Variants in GRIP2 observed in about 807,000 individuals in gnomAD.
The protein encoded by GRIP2 is glutamate receptor-interacting protein 2.
GRIP2 carries 58 observed loss-of-function variants against 108.3 expected under a neutral mutation model. The ratio of observed to expected loss-of-function variants is 0.54; its 90% CI spans 0.43 to 0.67. GRIP2 has a LOEUF of 0.67. GRIP2 is among the 30% of genes least tolerant of loss of function. GRIP2 has a pLI of 0.00. For synonymous variants in GRIP2, 586 were observed against 598.2 expected, an observed-to-expected ratio of 0.98 and a Z score of 0.30; for missense variants, 1,278 against 1,430.6, an observed-to-expected ratio of 0.89 and a Z score of 1.72.
At chr3:14,532,539 AC>A (rs1694735599) in intron 1 of GRIP2, among the ~76,000 whole-genome samples, 1 of 152,180 alleles carries the variant, frequency 6.6e-6, no homozygotes, top group Non-Finnish European at 1.5e-5. Context: ...TCTGTGGCCA[AC>A]AAAAATGACT....
At chr3:14,539,329 C>T (rs1436726801) in intron 1 of GRIP2, among the ~76,000 whole-genome samples, 2 of 152,176 alleles carry the variant, frequency 1.3e-5, no homozygotes, top group African/African-American at 4.8e-5. Flanking sequence ...GTCGCTAAGG[C>T]TGGGTCCAGA....
chr3:14,577,753 A>G, the GRIP2 span, among the ~76,000 whole-genome samples: 1 of 152,136 alleles, frequency 6.6e-6, no homozygotes, highest in East Asian at 1.9e-4. Context: ...AGTTGCTCAC[A>G]TGCACCCTAG....
chr3:14,576,201 C>T, the GRIP2 span, among the ~76,000 whole-genome samples: 4 of 152,354 alleles, frequency 2.6e-5, no homozygotes, highest in African/African-American at 9.6e-5. Context: ...CTGGGCAGGA[C>T]ATGGGGTGGG....
At chr3:14,563,909 G>A in the GRIP2 span, among the ~76,000 whole-genome samples, 1 of 152,162 alleles carries the variant, frequency 6.6e-6, no homozygotes, top group Non-Finnish European at 1.5e-5. Flanking sequence ...GAAAGCGGCT[G>A]TTTCTGCTTC....
At chr3:14,566,846 G>A in the GRIP2 span, among the ~76,000 whole-genome samples, 1 of 152,142 alleles carries the variant, frequency 6.6e-6, no homozygotes, top group Non-Finnish European at 1.5e-5. Flanking sequence ...CCTACTCTGG[G>A]CCTCAGTTTC....
chr3:14,522,808 C>G lies in GRIP2; in HGVS notation c.566+192G>C. The G allele has an allele frequency of 1.7e-6, 1 of 585,956 alleles. No individual in the cohort carries two copies. The highest frequency in any genetic ancestry group is 2.0e-5 in the South Asian group (1 of 49,526). 36.3% of individuals were successfully genotyped at this position (585,956 alleles called of 1,614,324 possible). On this transcript the variant is annotated intron_variant, in intron 6 of 23. Transcript: ENST00000621039. This position sits in a 1 kb window ranked among gnomAD's most constrained non-coding sequence, Gnocchi z 4.3. The stretch of plus-strand genomic sequence containing the variant: ...GCAGTATGTTGGGGAAGAAAGGGCT[C>G]GAGGTTTCCCTCATTTGGGGTTACA...
At position 14,511,655 on chromosome 3, in the gene GRIP2, C is replaced by T. The variant is rs1332670709; in HGVS notation, c.1721-176G>A. Among the ~76,000 whole-genome samples, 1 of 152,292 alleles carries T rather than the reference C, an allele frequency of 6.6e-6. No individual in the cohort carries two copies. Among genetic ancestry groups the T allele is most frequent in the East Asian group, 1.9e-4 (1 of 5,180 alleles). On this transcript the variant is annotated intron_variant, in intron 14 of 23. Transcript: ENST00000621039. The surrounding 1 kb of genome is among the most constrained non-coding windows in gnomAD (Gnocchi z 4.1). ...AGCTCACCTCCCTGTGCATCAGTTT[C>T]CCCCCTGTAAAATGGGGGTGGCACC...
In GRIP2 at chr3:14,511,329, G is replaced by A. The variant is rs1559337570; in HGVS notation, c.1788-19C>T. On this transcript the variant is annotated intron_variant, in intron 15 of 23. Transcript: ENST00000621039. This position sits in a 1 kb window ranked among gnomAD's most constrained non-coding sequence, Gnocchi z 4.1. ...GCCCGTCCTGCATGAGTCGGGGGCA[G>A]AGGGGATGGAAGGAGCCTGGTGCAT... 2 of 1,614,022 alleles carry A rather than the reference G, an allele frequency of 1.2e-6. No homozygotes were observed. The highest frequency in any genetic ancestry group is 2.2e-5 in the East Asian group (1 of 44,884).
the GRIP2 span, among the ~76,000 whole-genome samples, chr3:14,565,003 A>T: frequency 6.6e-6 from 1 of 152,216 alleles, no homozygotes; most frequent in Admixed American, 6.5e-5. Flanking sequence ...CCCGAGCACA[A>T]GGGGCACGGC....
In GRIP2 at chr3:14,540,319, G is replaced by T; in HGVS notation, c.-11C>A. ...GAGCCCACACAGCATGTTCGCTATT[G>T]TCTCCCCTGCTGCCCACCAACTCCC... is the stretch of plus-strand genomic sequence containing the variant. On this transcript the variant is annotated 5_prime_UTR_variant, in exon 1 of 24. Coordinates refer to ENST00000621039, the MANE Select transcript of GRIP2 (RefSeq NM_001080423.4). This position sits in a 1 kb window ranked among gnomAD's most constrained non-coding sequence, Gnocchi z 4.1. The T allele has an allele frequency of 1.2e-6, 2 of 1,613,582 alleles. No individual in the cohort carries two copies. The highest frequency in any genetic ancestry group is 1.7e-6 in the Non-Finnish European group (2 of 1,179,746).
At chr3:14,565,405 G>T in the GRIP2 span, among the ~76,000 whole-genome samples, 1 of 152,194 alleles carries the variant, frequency 6.6e-6, no homozygotes, top group Non-Finnish European at 1.5e-5. Context: ...TGTTGGGCCA[G>T]TGGCTGGAGT....
At chr3:14,595,822 T>A in the GRIP2 span, among the ~76,000 whole-genome samples, 88 of 152,362 alleles carry the variant, frequency 5.8e-4, no homozygotes, top group African/African-American at 2.0e-3. Context: ...GAGGGCCGGA[T>A]GTGCACAGGG....
chr3:14,504,238 G>A (rs998108720), intron 20 of GRIP2, among the ~76,000 whole-genome samples: 1 of 151,646 alleles, frequency 6.6e-6, no homozygotes, highest in Middle Eastern at 3.2e-3. Context: ...TTGACACTTC[G>A]CAAAGCCACT....
At chr3:14,558,202 CAG>C (rs1254243470), upstream of GRIP2, among the ~76,000 whole-genome samples, 14 of 152,168 alleles carry the variant, frequency 9.2e-5, no homozygotes, top group African/African-American at 3.4e-4. Flanking sequence ...GGTATTCTAC[CAG>C]AGTCACACAG....
upstream of GRIP2, among the ~76,000 whole-genome samples, chr3:14,559,439 C>CA (rs56183499): frequency 0.29 from 35,581 of 121,366 alleles, 5,516 homozygotes; most frequent in East Asian, 0.38. Context: ...AAGAATTTAT[C>CA]AAAAAAAAAA....
upstream of GRIP2, among the ~76,000 whole-genome samples, chr3:14,545,596 C>G (rs1433172871): frequency 6.6e-6 from 1 of 152,232 alleles, no homozygotes; most frequent in Non-Finnish European, 1.5e-5. Flanking sequence ...CAATAGCTTC[C>G]CTCCTGGAGG....
At chr3:14,574,189 G>A in the GRIP2 span, 11 of 877,942 alleles carry the variant, frequency 1.3e-5, no homozygotes, top group East Asian at 2.7e-4. Flanking sequence ...ACGAAGGTGA[G>A]CCAGTGGGTG....
chr3:14,546,324 T>C (rs12632506), upstream of GRIP2, among the ~76,000 whole-genome samples: 49,502 of 151,932 alleles, frequency 0.33, 8,806 homozygotes, highest in East Asian at 0.54. Flanking sequence ...CTGTTGAGTG[T>C]GAGGGGAGGG....
the GRIP2 span, chr3:14,573,079 G>A: frequency 1.4e-6 from 2 of 1,394,316 alleles, no homozygotes; most frequent in Non-Finnish European, 2.0e-6. Context: ...GAGAGAAAGA[G>A]GCCACTGATG....
Sources: allele counts gnomAD v4.1 joint callset (sites outside exome capture counted in the v4.1 genomes callset), GRCh38; gene constraint gnomAD v4.1.1; non-coding constraint Gnocchi (gnomAD v3.1); transcripts MANE v1.5; gene names NCBI Gene and HGNC (gene_info 2026-07-23, HGNC 2026-07-21).